The following SLC35B4 variants were observed in gnomAD, a reference collection of about 807,000 sequenced individuals.
The protein encoded by SLC35B4 is nucleotide sugar transporter SLC35B4.
Under a neutral mutation model 39.5 loss-of-function variants are expected in SLC35B4, and 28 were observed. The ratio of observed to expected loss-of-function variants is 0.71; its 90% CI spans 0.53 to 0.97. The LOEUF is 0.97. SLC35B4 is among the 50% of genes least tolerant of loss of function. The pLI, the probability that SLC35B4 is intolerant of heterozygous loss-of-function variation, is 0.00. For missense variants in SLC35B4, 334 were observed against 414.3 expected (o/e 0.81, Z 1.68); for synonymous variants, 145 against 150.4 (o/e 0.96, Z 0.26).
In SLC35B4 at chr7:134,292,349, A is replaced by T. The variant is rs901354858; in HGVS notation, c.*2484T>A. 2 of 152,426 alleles carry T rather than the reference A, an allele frequency of 1.3e-5. No individual in the cohort carries two copies. The highest frequency in any genetic ancestry group is 2.4e-5 in the African/African-American group (1 of 41,450). 9.4% of individuals were successfully genotyped at this position (152,426 alleles called of 1,614,324 possible). On this transcript the variant is annotated 3_prime_UTR_variant, in exon 10 of 10. Transcript: ENST00000378509. Reference sequence around the variant, plus strand: ...AGCTACTAGAGAAAAAACAGTTCCCAGGGAATTTGGGGCTTTCTGCTTCTA... The same window carrying T: ...AGCTACTAGAGAAAAAACAGTTCCCTGGGAATTTGGGGCTTTCTGCTTCTA...
Position 134,316,716 on chromosome 7 carries a change from T to A in SLC35B4, c.36A>T (p.Ala12=). 1 of 1,550,500 alleles carries A rather than the reference T, an allele frequency of 6.4e-7. No homozygotes were observed. The highest frequency in any genetic ancestry group is 8.7e-7 in the Non-Finnish European group (1 of 1,146,768). The change falls in exon 1 of 10, where the codon GCA becomes GCT. Residue 12 remains alanine, a synonymous_variant. Transcript: ENST00000378509. ...GGAAGATCACGTTACTGCAGCAGCC[T>A]GCGAACACCAGGCCCACCGCCAAGG... The part of the protein sequence containing the change: ...RPALAVGLVF[A]GCCSNVIFLE...
chr7:134,298,400 G>A (rs574202166), intron 8 of SLC35B4, among the ~76,000 whole-genome samples: 2 of 152,266 alleles, frequency 1.3e-5, no homozygotes, highest in African/African-American at 4.8e-5. Context: ...TTAATCTCAA[G>A]GAAAGCAAGA....
At chr7:134,300,699 T>C (rs1563215487) in intron 6 of SLC35B4, among the ~76,000 whole-genome samples, 1 of 152,210 alleles carries the variant, frequency 6.6e-6, no homozygotes, top group Non-Finnish European at 1.5e-5. Flanking sequence ...TAAACAAATG[T>C]TGATATATTT....
At chr7:134,319,624 C>A (rs1039607040), upstream of SLC35B4, among the ~76,000 whole-genome samples, 1 of 152,118 alleles carries the variant, frequency 6.6e-6, no homozygotes, top group African/African-American at 2.4e-5. Flanking sequence ...ATGTACAGCC[C>A]CCATCTCCCT....
chr7:134,308,695 C>T (rs1264405515), intron 2 of SLC35B4, among the ~76,000 whole-genome samples: 3 of 152,176 alleles, frequency 2.0e-5, no homozygotes, highest in African/African-American at 7.2e-5. Flanking sequence ...ATACTCACAA[C>T]TGGATGGATT....
chr7:134,309,304 G>C (rs111380491), intron 2 of SLC35B4, 62 bp downstream of exon 2: 1 of 897,726 alleles, frequency 1.1e-6, no homozygotes. Flanking sequence ...CTTTTATACA[G>C]GTACCACCTC....
intron 2 of SLC35B4, among the ~76,000 whole-genome samples, chr7:134,308,207 CCA>C (rs1344000728): frequency 2.0e-5 from 3 of 152,118 alleles, no homozygotes; most frequent in African/African-American, 7.2e-5. Context: ...ATCGTGGTAA[CCA>C]CAGAGTGGGG....
intron 9 of SLC35B4, among the ~76,000 whole-genome samples, chr7:134,295,855 A>G (rs537285210): frequency 2.6e-5 from 4 of 152,106 alleles, no homozygotes; most frequent in Non-Finnish European, 5.9e-5. Context: ...TTTGAGATGG[A>G]GTCTCACTCT....
chr7:134,319,459 C>T (rs1370068976), upstream of SLC35B4, among the ~76,000 whole-genome samples: 1 of 152,204 alleles, frequency 6.6e-6, no homozygotes, highest in Non-Finnish European at 1.5e-5. Context: ...TTTCCAGTTT[C>T]CTTAATGGGC....
intron 8 of SLC35B4, among the ~76,000 whole-genome samples, chr7:134,296,754 A>T (rs1803477686): frequency 1.3e-5 from 2 of 152,246 alleles, no homozygotes; most frequent in Admixed American, 6.5e-5. Context: ...TGAAGCACAG[A>T]AAAGTTGAAA....
Position 134,293,153 on chromosome 7 carries a change from C to CACACAT in SLC35B4, c.*1679_*1680insATGTGT, listed in dbSNP as rs1341163315. On this transcript the variant is annotated 3_prime_UTR_variant, in exon 10 of 10. Coordinates refer to ENST00000378509, the MANE Select transcript of SLC35B4 (RefSeq NM_032826.5). Reference sequence around the variant, plus strand: ...CCACACACACACACATACATACACACACACACACACAGTCTTTGTCTATAG... The same window carrying CACACAT: ...CCACACACACACACATACATACACACACACATACACACACACAGTCTTTGTCTATAG... 2 of 152,018 alleles carry CACACAT rather than the reference C, an allele frequency of 1.3e-5. No individual in the cohort carries two copies. Among genetic ancestry groups the CACACAT allele is most frequent in the Non-Finnish European group, 2.9e-5 (2 of 68,106 alleles). The allele number at this position is 152,018 out of a possible 1,614,324, so 9.4% of individuals were successfully genotyped here.
chr7:134,307,481 T>C (rs1354869169), intron 2 of SLC35B4, among the ~76,000 whole-genome samples: 1 of 152,188 alleles, frequency 6.6e-6, no homozygotes, highest in African/African-American at 2.4e-5. Context: ...GCCTTCTACA[T>C]ATATTGGGCC....
rs1803315049 is a variant in SLC35B4 at position 134,290,784 on chromosome 7, G to C, written c.*4049C>G. 6.6e-6 allele frequency: 1 copy of C among 152,184 alleles called. No homozygotes were observed. The highest frequency in any genetic ancestry group is 2.1e-4 in the South Asian group (1 of 4,828). The allele number at this position is 152,184 out of a possible 1,614,324, so 9.4% of individuals were successfully genotyped here. On this transcript the variant is annotated 3_prime_UTR_variant, in exon 10 of 10. Transcript: ENST00000378509. ...TCACATTTTTCAGGAGAAAGCTATT[G>C]AGACCAATATGCTTTGGTTATCTAA...
intron 1 of SLC35B4, among the ~76,000 whole-genome samples, chr7:134,312,418 T>C (rs1563219719): frequency 6.6e-6 from 1 of 151,998 alleles, no homozygotes; most frequent in Non-Finnish European, 1.5e-5. Flanking sequence ...CCAACTTGAA[T>C]GGGACTGGAT....
intron 8 of SLC35B4, 132 bp downstream of exon 8, chr7:134,299,391 A>G: frequency 3.6e-6 from 2 of 558,456 alleles, no homozygotes; most frequent in Non-Finnish European, 6.1e-6. Context: ...TGGAAAGTGG[A>G]ATGGAGACAT....
chr7:134,295,245 C>T, intron 9 of SLC35B4, 166 bp from the exon 10 acceptor site: 1 of 775,016 alleles, frequency 1.3e-6, no homozygotes, highest in Admixed American at 2.9e-5. Flanking sequence ...AGAACAACTC[C>T]TGTCCTGCCA....
chr7:134,318,785 G>A (rs897958532), upstream of SLC35B4, among the ~76,000 whole-genome samples: 1 of 152,078 alleles, frequency 6.6e-6, no homozygotes, highest in Non-Finnish European at 1.5e-5. Flanking sequence ...GATTGCACAA[G>A]AAAAAAATGG....
At chr7:134,305,769 C>T (rs548587856) in intron 3 of SLC35B4, among the ~76,000 whole-genome samples, 1 of 152,258 alleles carries the variant, frequency 6.6e-6, no homozygotes, top group African/African-American at 2.4e-5. Context: ...CTCCCAGGTT[C>T]AAGCGATTCT....
chr7:134,299,157 G>A (rs1803526089), intron 8 of SLC35B4, among the ~76,000 whole-genome samples: 2 of 152,362 alleles, frequency 1.3e-5, no homozygotes, highest in Non-Finnish European at 2.9e-5. Flanking sequence ...TGGCAGAGAA[G>A]GATAAACAGC....
Sources: allele counts gnomAD v4.1 joint callset (sites outside exome capture counted in the v4.1 genomes callset), GRCh38; gene constraint gnomAD v4.1.1; transcripts MANE v1.5; gene names NCBI Gene and HGNC (gene_info 2026-07-23, HGNC 2026-07-21).